ATAD5: variants seen among roughly 807,000 people sequenced by gnomAD.
ATAD5 encodes ATPase family AAA domain containing 5, also known as ATPase family AAA domain-containing protein 5.
ATAD5 carries 58 observed loss-of-function variants against 176.9 expected under a neutral mutation model. That is an observed-to-expected ratio of 0.33 (90% confidence interval 0.27 to 0.41). The LOEUF is 0.41. Ranked by LOEUF, ATAD5 falls within the 10% of genes least tolerant of loss-of-function variation. The pLI is 1.00. For missense variants in ATAD5, 1,789 were observed against 2,094.1 expected, an observed-to-expected ratio of 0.85 and a Z score of 2.84; for synonymous variants, 640 against 712.6, an observed-to-expected ratio of 0.90 and a Z score of 1.62.
chr17:30,853,947 A>G (rs967556684), intron 6 of ATAD5, among the ~76,000 whole-genome samples: 1 of 152,048 alleles, frequency 6.6e-6, no homozygotes, highest in African/African-American at 2.4e-5. Flanking sequence ...CAAGAAAACA[A>G]AAGACAAGAG....
intron 10 of ATAD5, among the ~76,000 whole-genome samples, chr17:30,861,367 CTCTT>C (rs1960596131): frequency 6.6e-6 from 1 of 151,614 alleles, no homozygotes; most frequent in Admixed American, 6.6e-5. Context: ...CTCCTTCTCT[CTCTT>C]TTTTTTTTCT....
At chr17:30,837,676 T>C (rs753529623) in intron 3 of ATAD5, among the ~76,000 whole-genome samples, 14 of 152,212 alleles carry the variant, frequency 9.2e-5, no homozygotes, top group Non-Finnish European at 2.1e-4. Flanking sequence ...CTCACAGTTA[T>C]GGGGATTGAG....
Position 30,868,428 on chromosome 17 carries a change from T to C in ATAD5, c.3313+16T>C. On this transcript the variant is annotated intron_variant, in intron 12 of 22. Coordinates refer to ENST00000321990, the MANE Select transcript of ATAD5 (RefSeq NM_024857.5). ...AAACATGAAGGTATTTTGTGTGTCT[T>C]TTTTTTTTTTTTTACCATTTCACTG... is the stretch of plus-strand genomic sequence containing the variant. 1.5e-6 allele frequency: 1 copy of C among 676,410 alleles called. No individual in the cohort carries two copies. Among genetic ancestry groups the C allele is most frequent in the South Asian group, 4.0e-5 (1 of 25,146 alleles). The allele number at this position is 676,410 out of a possible 1,614,324, so 41.9% of individuals were successfully genotyped here. A position where few individuals can be genotyped will look rare whatever the true frequency, so the allele number is the denominator to read the frequency against.
chr17:30,847,716 CA>C lies in ATAD5; in HGVS notation c.2450+2801del, dbSNP rs148324523. On this transcript the variant is annotated intron_variant, in intron 6 of 22. Coordinates refer to ENST00000321990, the MANE Select transcript of ATAD5 (RefSeq NM_024857.5). ...CTATTATTAAATAGACTGCTATGAA[CA>C]TTTTTTTTTTTTTTTTTTTTGAGAC... 6.2e-3 allele frequency among the ~76,000 whole-genome samples: 856 copies of C among 139,152 alleles called. 7 individuals are homozygous for C. The highest frequency in any genetic ancestry group is 0.012 in the African/African-American group (436 of 37,466). 91.3% of individuals were successfully genotyped at this position (139,152 alleles called of 152,430 possible).
At chr17:30,876,669 G>T in intron 15 of ATAD5, 119 bp downstream of exon 15, 1 of 401,078 alleles carries the variant, frequency 2.5e-6, no homozygotes, top group Non-Finnish European at 4.3e-6. Flanking sequence ...TACACTGAAG[G>T]TTCTACATGT....
rs1909873397 is a variant in ATAD5 at position 30,895,713 on chromosome 17, TAC to T, written c.*802_*803del. 6.6e-6 allele frequency: 1 copy of T among 152,330 alleles called. No homozygotes were observed. The highest frequency in any genetic ancestry group is 2.4e-5 in the African/African-American group (1 of 41,562). The allele number at this position is 152,330 out of a possible 1,614,324, so 9.4% of individuals were successfully genotyped here. ...GAGCCACCTCACCTGGCCTATATTG[TAC>T]AGTTTTGAACAGTATAGATGCATAC... On this transcript the variant is annotated 3_prime_UTR_variant, in exon 23 of 23. Transcript: ENST00000321990.
rs1905565477 is a variant in ATAD5 at position 30,834,316 on chromosome 17, G to A, written c.235G>A (p.Gly79Arg). Reference sequence around the variant, plus strand: ...ACCCACAAATGAGAAGACACAATTAGGGAAAGAGTGCAAGATAAAGTCACC... The same window carrying A: ...ACCCACAAATGAGAAGACACAATTAAGGAAAGAGTGCAAGATAAAGTCACC... The part of the protein sequence containing the change: ...TSPTNEKTQL[G>R]KECKIKSPES... The change falls in exon 2 of 23, where the codon GGG becomes AGG. Residue 79 changes from glycine (G) to arginine (R), a missense_variant. This residue lies in a region of ATAD5 where 696 missense variants were observed against 712.5 expected (regional missense o/e 0.98). Transcript: ENST00000321990. 3 of 1,613,158 alleles carry A rather than the reference G, an allele frequency of 1.9e-6. No homozygotes were observed. Among genetic ancestry groups the A allele is most frequent in the African/African-American group, 1.3e-5 (1 of 74,884 alleles).
chr17:30,854,097 A>C (rs1267155836), intron 6 of ATAD5, among the ~76,000 whole-genome samples: 2 of 150,636 alleles, frequency 1.3e-5, no homozygotes, highest in African/African-American at 4.9e-5. Context: ...ATGAGCAAAA[A>C]AGAATTTGAT....
In ATAD5 at chr17:30,849,196, G is replaced by A. The variant is rs983040748; in HGVS notation, c.2450+4280G>A. On this transcript the variant is annotated intron_variant, in intron 6 of 22. Transcript: ENST00000321990. ...ATATTTTTGCTCAGTAGTATTCATT[G>A]TATGGATATACCACTTTTTGTCTCT... Among the ~76,000 whole-genome samples, 4 of 152,134 alleles carry A rather than the reference G, an allele frequency of 2.6e-5. No homozygotes were observed. The East Asian group carries it at 7.7e-4, about 29-fold the overall frequency.
chr17:30,878,722 T>TTTTG (rs1431620075), intron 17 of ATAD5, among the ~76,000 whole-genome samples: 1 of 77,752 alleles, frequency 1.3e-5, no homozygotes, highest in Non-Finnish European at 2.3e-5. Flanking sequence ...GGTGGTGTTT[T>TTTTG]TTTTTTTTTT....
rs1385729778 is a variant in ATAD5, at chr17:30,887,252, A to G, written c.4138A>G (p.Lys1380Glu). ...CLTENFRTDV[K>E]DFVTLLTANT... ...AACTGAGAATTTTAGAACTGATGTA[A>G]AAGACTTTGTAACCTTGTTAACTGC... is the stretch of plus-strand genomic sequence containing the variant. Residue 1380 changes from lysine (K) to glutamate (E), a missense_variant, in exon 19 of 23, where the codon AAA (lysine) becomes GAA (glutamate). By Grantham distance (56) the Lys-to-Glu change is moderately conservative. Transcript: ENST00000321990. The G allele has an allele frequency of 1.9e-6, 3 of 1,607,262 alleles. No homozygotes were observed. The highest frequency in any genetic ancestry group is 2.5e-6 in the Non-Finnish European group (3 of 1,177,950).
chr17:30,843,504 G>T (rs1906260733), intron 4 of ATAD5, among the ~76,000 whole-genome samples: 1 of 151,998 alleles, frequency 6.6e-6, no homozygotes, highest in Non-Finnish European at 1.5e-5. Context: ...ACAAAAATTA[G>T]CTGGGCGTGG....
chr17:30,836,232 G>A (rs1266312935), intron 2 of ATAD5, among the ~76,000 whole-genome samples, 184 bp downstream of exon 2: 1 of 151,310 alleles, frequency 6.6e-6, no homozygotes, highest in East Asian at 1.9e-4. Flanking sequence ...AGGCTGGAGT[G>A]CAGTGGGGCA....
chr17:30,853,839 C>T (rs80117484), intron 6 of ATAD5, among the ~76,000 whole-genome samples: 4,046 of 152,130 alleles, frequency 0.027, 197 homozygotes, highest in African/African-American at 0.092. Context: ...AAGGACCCTA[C>T]TCTTCCTCCT....
rs140973444 is a variant in ATAD5, at chr17:30,858,304, C to T, written c.2937C>T (p.Ser979=). 34 of 1,548,228 alleles carry T rather than the reference C, an allele frequency of 2.2e-5. No homozygotes were observed. Among genetic ancestry groups the T allele is most frequent in the South Asian group, 3.8e-5 (3 of 78,054 alleles). Residue 979 remains serine (S), a synonymous_variant, in exon 9 of 23, where the codon TCC becomes TCT. Transcript: ENST00000321990. ...KKQIEHQVLS[S]ECHSKQELEA... ...AAATTGAGCACCAAGTACTTTCTTCCGAGTGTCATAGTAAACAAGGTTAGT... is the reference window on the plus strand; with the variant it reads ...AAATTGAGCACCAAGTACTTTCTTCTGAGTGTCATAGTAAACAAGGTTAGT...
chr17:30,835,279 A>C lies in ATAD5; in HGVS notation c.1198A>C (p.Arg400=). 1 of 1,614,152 alleles carries C rather than the reference A, an allele frequency of 6.2e-7. No individual in the cohort carries two copies. ...AVKPKCTLEE[R]QQFMKAFRQP... is the part of the protein sequence containing the mutation. ...GAAACCAAAATGCACTCTAGAAGAA[A>C]GACAGCAATTTATGAAAGCATTTAG... is the stretch of plus-strand genomic sequence containing the variant. The change falls in exon 2 of 23, where the codon AGA becomes CGA. Residue 400 remains arginine, a synonymous_variant. Coordinates refer to ENST00000321990, the MANE Select transcript of ATAD5 (RefSeq NM_024857.5).
In ATAD5 at chr17:30,837,682, T is replaced by C. The variant is rs73273803; in HGVS notation, c.2076+368T>C. 3.2e-3 allele frequency among the ~76,000 whole-genome samples: 491 copies of C among 152,304 alleles called. 2 individuals are homozygous for C. Among genetic ancestry groups the C allele is most frequent in the African/African-American group, 0.011 (442 of 41,568 alleles). On this transcript the variant is annotated intron_variant, in intron 3 of 22. Transcript: ENST00000321990. ...AACATATTTCTCACAGTTATGGGGA[T>C]TGAGAAATGCACGATCAAAGCATCA...
chr17:30,894,555 C>T lies in ATAD5; in HGVS notation c.5298-9C>T. 6.3e-7 allele frequency: 1 copy of T among 1,591,860 alleles called. No individual in the cohort carries two copies. Among genetic ancestry groups the T allele is most frequent in the Non-Finnish European group, 8.5e-7 (1 of 1,173,498 alleles). Reference sequence around the variant, plus strand: ...ATTAAAAATTAAAAACAATGCATTACTTTTACAGCAATGCTTGGAAGAGGA... The same window carrying T: ...ATTAAAAATTAAAAACAATGCATTATTTTTACAGCAATGCTTGGAAGAGGA... On this transcript the variant is annotated splice_polypyrimidine_tract_variant and intron_variant, in intron 21 of 22. Transcript: ENST00000321990.
At chr17:30,877,918 C>T (rs1469687176) in intron 16 of ATAD5, 85 bp from the exon 17 acceptor site, 5 of 955,742 alleles carry the variant, frequency 5.2e-6, no homozygotes, top group Admixed American at 5.2e-5. Context: ...TAAATTTTGT[C>T]TCTAACAGAC....
Sources: gnomAD v4.1 joint callset for allele counts (sites outside exome capture counted in the v4.1 genomes callset) on GRCh38, gnomAD v4.1.1 for gene constraint, gnomAD v4.1.1 regional missense constraint, MANE v1.5 for transcripts, NCBI Gene and HGNC (gene_info 2026-07-23, HGNC 2026-07-21) for gene names.